SYNPR: variants seen among roughly 807,000 people sequenced by gnomAD.
SYNPR encodes synaptoporin.
A neutral mutation model predicts 32.9 loss-of-function variants in SYNPR; 23 were observed. The observed-to-expected ratio is 0.70, with a 90% CI of 0.50 to 0.99. The LOEUF (loss-of-function observed/expected upper bound fraction) is 0.99, where lower values mean the gene tolerates loss of function less well. Among genes scored for constraint, SYNPR ranks in the 50% least tolerant of loss-of-function variants. The probability of loss-of-function intolerance (pLI) is 0.00; values close to 1 mark genes in which losing one functional copy is unlikely to be tolerated. For missense variants in SYNPR, 318 were observed against 349.3 expected (o/e 0.91, Z 0.71); for synonymous variants, 146 against 135.9 (o/e 1.07, Z -0.52).
intron 3 of SYNPR, among the ~76,000 whole-genome samples, chr3:63,541,892 A>C (rs1702310529): frequency 6.6e-6 from 1 of 152,160 alleles, no homozygotes; most frequent in African/African-American, 2.4e-5. Flanking sequence ...TGAAAATAAC[A>C]AGCTAAAAAT....
chr3:63,597,424 C>A lies in SYNPR; in HGVS notation c.409-11701C>A, dbSNP rs193042205. Among the ~76,000 whole-genome samples, 3 of 152,220 alleles carry A rather than the reference C, an allele frequency of 2.0e-5. No homozygotes were observed. The East Asian group carries it at 5.8e-4, about 29-fold the overall frequency. ...TTACTTGAAGGATCTGAGCCTGGAGCCAGTTTTCTTTGACGAAAAAACATG... is the reference window on the plus strand; with the variant it reads ...TTACTTGAAGGATCTGAGCCTGGAGACAGTTTTCTTTGACGAAAAAACATG... On this transcript the variant is annotated intron_variant, in intron 4 of 5. Coordinates refer to ENST00000478300, the MANE Select transcript of SYNPR (RefSeq NM_001130003.2).
intron 2 of SYNPR, among the ~76,000 whole-genome samples, chr3:63,297,944 C>A (rs1281521144): frequency 1.3e-5 from 2 of 152,072 alleles, no homozygotes; most frequent in Non-Finnish European, 2.9e-5. Flanking sequence ...TCTATAGGAA[C>A]AATTTGGTAA....
chr3:63,203,072 A>ATATATATATATATATATATC, the SYNPR span: 2 of 11,996 alleles, frequency 1.7e-4, no homozygotes, highest in Non-Finnish European at 4.7e-4. Flanking sequence ...GTATGTGTAT[A>ATATATATATATATATATATC]TATATATATA....
At chr3:63,340,062 A>C (rs7640144) in intron 2 of SYNPR, among the ~76,000 whole-genome samples, 2,220 of 152,334 alleles carry the variant, frequency 0.015, 43 homozygotes, top group African/African-American at 0.05. Context: ...CAAGAATCTT[A>C]TATAAATATA....
chr3:63,578,489 G>A (rs970599416), intron 4 of SYNPR, among the ~76,000 whole-genome samples: 10 of 152,094 alleles, frequency 6.6e-5, no homozygotes, highest in East Asian at 5.8e-4. Flanking sequence ...TGAAATTCTC[G>A]TGAGGGATAA....
intron 2 of SYNPR, among the ~76,000 whole-genome samples, chr3:63,338,127 A>G (rs1426533244): frequency 1.3e-5 from 2 of 152,226 alleles, no homozygotes; most frequent in Admixed American, 1.3e-4. Flanking sequence ...GGGGTAGTAT[A>G]TGGGAACTCT....
chr3:63,533,129 GA>G (rs1310387830), intron 3 of SYNPR, among the ~76,000 whole-genome samples: 4 of 152,118 alleles, frequency 2.6e-5, no homozygotes, highest in African/African-American at 9.7e-5. Flanking sequence ...GTTCTTTAAG[GA>G]ACAAGACTCT....
chr3:63,208,634 C>T, the SYNPR span, among the ~76,000 whole-genome samples: 1 of 152,078 alleles, frequency 6.6e-6, no homozygotes, highest in African/African-American at 2.4e-5. Context: ...AATACTGTTC[C>T]AGGAGATGCT....
At chr3:63,527,674 T>G (rs1410947983) in intron 3 of SYNPR, among the ~76,000 whole-genome samples, 2 of 152,194 alleles carry the variant, frequency 1.3e-5, no homozygotes, top group African/African-American at 4.8e-5. Flanking sequence ...CTTGAAAAGA[T>G]TTCCCCTGAT....
intron 4 of SYNPR, among the ~76,000 whole-genome samples, chr3:63,594,174 A>C (rs534617040): frequency 6.6e-6 from 1 of 152,162 alleles, no homozygotes; most frequent in African/African-American, 2.4e-5. Flanking sequence ...CATACCTTAC[A>C]TATGGTAGAC....
intron 2 of SYNPR, among the ~76,000 whole-genome samples, chr3:63,356,076 G>T (rs2087574098): frequency 6.6e-6 from 1 of 152,174 alleles, no homozygotes; most frequent in Non-Finnish European, 1.5e-5. Flanking sequence ...CAGGGAATAA[G>T]ACATCATGTT....
intron 3 of SYNPR, among the ~76,000 whole-genome samples, chr3:63,530,122 A>G (rs1702084536): frequency 6.6e-6 from 1 of 152,196 alleles, no homozygotes; most frequent in Admixed American, 6.5e-5. Flanking sequence ...ATAACAAGTA[A>G]AAACACCCTA....
intron 2 of SYNPR, among the ~76,000 whole-genome samples, chr3:63,374,018 G>C (rs377720894): frequency 3.9e-5 from 6 of 152,238 alleles, no homozygotes; most frequent in Admixed American, 3.3e-4. Context: ...ATCCTTTTCC[G>C]ATAAGCAAAT....
At chr3:63,257,585 G>C (rs1158916197) in intron 2 of SYNPR, among the ~76,000 whole-genome samples, 2 of 152,240 alleles carry the variant, frequency 1.3e-5, no homozygotes, top group African/African-American at 2.4e-5. Context: ...ACATGGAAAG[G>C]AACAACCAGT....
intron 2 of SYNPR, among the ~76,000 whole-genome samples, chr3:63,361,520 C>T (rs944839940): frequency 6.6e-6 from 1 of 151,074 alleles, no homozygotes; most frequent in East Asian, 2.0e-4. Context: ...ATGGTGTGAA[C>T]CCGGGAGGCG....
rs1275778700 is a variant in SYNPR, at chr3:63,446,351, A to G, written c.85-34481A>G. Among the ~76,000 whole-genome samples, 5 of 149,890 alleles carry G rather than the reference A, an allele frequency of 3.3e-5. No individual in the cohort carries two copies. In the East Asian group the frequency reaches 9.8e-4, roughly 29 times the overall value. Reference sequence around the variant, plus strand: ...GCTGAGGTAGCACTTCAGGTTGAATATTGCAAAGTGTCTATCTCACCTGGG... The same window carrying G: ...GCTGAGGTAGCACTTCAGGTTGAATGTTGCAAAGTGTCTATCTCACCTGGG... On this transcript the variant is annotated intron_variant, in intron 2 of 5. Transcript: ENST00000478300.
intron 1 of SYNPR, among the ~76,000 whole-genome samples, chr3:63,248,665 CTGTT>C (rs1560167844): frequency 2.0e-5 from 3 of 152,042 alleles, no homozygotes; most frequent in Non-Finnish European, 2.9e-5. Context: ...GTTGTGGAAA[CTGTT>C]TGAGACAGTG....
intron 2 of SYNPR, among the ~76,000 whole-genome samples, chr3:63,299,784 G>T (rs1386438750): frequency 3.3e-5 from 5 of 152,102 alleles, no homozygotes; most frequent in African/African-American, 1.2e-4. Flanking sequence ...TGTGGTCCTA[G>T]GCAGTTTGTA....
chr3:63,428,014 T>C (rs1408087001), intron 2 of SYNPR, among the ~76,000 whole-genome samples: 4 of 152,252 alleles, frequency 2.6e-5, no homozygotes, highest in Non-Finnish European at 2.9e-5. Context: ...ATGTATTTTC[T>C]GTCTGCTCAT....
Sources: gnomAD v4.1 joint callset for allele counts (sites outside exome capture counted in the v4.1 genomes callset) on GRCh38, gnomAD v4.1.1 for gene constraint, MANE v1.5 for transcripts, NCBI Gene and HGNC (gene_info 2026-07-23, HGNC 2026-07-21) for gene names.